COL23A1: variants seen among roughly 807,000 people sequenced by gnomAD.
The protein encoded by COL23A1 is collagen type XXIII alpha 1 chain.
In COL23A1, 97 loss-of-function variants were observed where a neutral mutation model predicts 99.3. The observed-to-expected ratio is 0.98, with a 90% CI of 0.83 to 1.16. The LOEUF (loss-of-function observed/expected upper bound fraction) is 1.16, where lower values mean the gene tolerates loss of function less well. Ranked by LOEUF, COL23A1 falls within the 50% of genes most tolerant of loss-of-function variation. The pLI, the probability that COL23A1 is intolerant of heterozygous loss-of-function variation, is 0.00. For missense variants in COL23A1, 762 were observed against 757.4 expected (o/e 1.01, Z -0.07); for synonymous variants, 320 against 308.2 (o/e 1.04, Z -0.40).
chr5:178,375,709 T>C (rs1464456319), intron 2 of COL23A1, among the ~76,000 whole-genome samples: 7 of 152,312 alleles, frequency 4.6e-5, no homozygotes, highest in Non-Finnish European at 8.8e-5. Flanking sequence ...CTTTTCTTTC[T>C]TTCTTTTTTC....
At chr5:178,293,551 A>G (rs1757576460) in intron 3 of COL23A1, among the ~76,000 whole-genome samples, 1 of 152,120 alleles carries the variant, frequency 6.6e-6, no homozygotes, top group Non-Finnish European at 1.5e-5. Context: ...AGAAAGGGCC[A>G]CGGGGGCTGG....
chr5:178,352,771 A>G (rs999191999), intron 2 of COL23A1, among the ~76,000 whole-genome samples: 5 of 152,208 alleles, frequency 3.3e-5, no homozygotes, highest in Non-Finnish European at 7.3e-5. Flanking sequence ...TGAGATAAAC[A>G]TAACTGCCCC....
At chr5:178,565,668 G>A (rs897665581) in intron 1 of COL23A1, among the ~76,000 whole-genome samples, 4 of 152,004 alleles carry the variant, frequency 2.6e-5, no homozygotes, top group Non-Finnish European at 5.9e-5. Flanking sequence ...ACCCCCACGC[G>A]GCTGGGATTC....
intron 2 of COL23A1, among the ~76,000 whole-genome samples, chr5:178,538,411 G>C (rs1389747687): frequency 6.6e-6 from 1 of 152,122 alleles, no homozygotes; most frequent in Admixed American, 6.5e-5. Flanking sequence ...AAACATAAAA[G>C]TACTTGCCCA....
chr5:178,387,121 G>A lies in COL23A1; in HGVS notation c.362-80202C>T, dbSNP rs565993215. Among the ~76,000 whole-genome samples the A allele has an allele frequency of 2.1e-4, 32 of 151,948 alleles. No individual in the cohort carries two copies. Among genetic ancestry groups the A allele is most frequent in the African/African-American group, 4.8e-4 (20 of 41,440 alleles). ...TCCCACGGCAGCTTCTCATCACCCCGTCTGGAACCAACAACACCCTCTTTT... is the reference window on the plus strand; with the variant it reads ...TCCCACGGCAGCTTCTCATCACCCCATCTGGAACCAACAACACCCTCTTTT... On this transcript the variant is annotated intron_variant, in intron 2 of 28. Coordinates refer to ENST00000390654, the MANE Select transcript of COL23A1 (RefSeq NM_173465.4). This position sits in a 1 kb window ranked among gnomAD's most constrained non-coding sequence, Gnocchi z 4.7.
chr5:178,267,718 T>C (rs1353704303), intron 7 of COL23A1, among the ~76,000 whole-genome samples: 1 of 152,126 alleles, frequency 6.6e-6, no homozygotes, highest in Non-Finnish European at 1.5e-5. Flanking sequence ...TAAGCAGCAA[T>C]AGACACCAAG....
intron 3 of COL23A1, among the ~76,000 whole-genome samples, chr5:178,290,786 CA>C (rs1264478955): frequency 3.3e-5 from 5 of 152,148 alleles, no homozygotes; most frequent in Admixed American, 1.3e-4. Context: ...GGAGGAATGG[CA>C]AATGGGTGTG....
intron 2 of COL23A1, among the ~76,000 whole-genome samples, chr5:178,421,577 G>C (rs529039056): frequency 6.6e-6 from 1 of 152,286 alleles, no homozygotes; most frequent in East Asian, 1.9e-4. Flanking sequence ...TCCATTAACA[G>C]AGCAGACAGG....
intron 2 of COL23A1, among the ~76,000 whole-genome samples, chr5:178,454,222 A>G (rs2127875655): frequency 6.6e-6 from 1 of 152,168 alleles, no homozygotes; most frequent in East Asian, 1.9e-4. Flanking sequence ...CAGGTTAACA[A>G]AGCCAGGCGA....
rs1271697934 is a variant in COL23A1 at position 178,307,180 on chromosome 5, T to C, written c.362-261A>G. On this transcript the variant is annotated intron_variant, in intron 2 of 28. Transcript: ENST00000390654. The surrounding 1 kb of genome is among the most constrained non-coding windows in gnomAD (Gnocchi z 4.2). ...ACGCACCCATTCTGTCATTCAATCATCGGCTCACTCAGTCATTCCTAAGCC... is the reference window on the plus strand; with the variant it reads ...ACGCACCCATTCTGTCATTCAATCACCGGCTCACTCAGTCATTCCTAAGCC... Among the ~76,000 whole-genome samples the C allele has an allele frequency of 6.6e-6, 1 of 152,180 alleles. No individual in the cohort carries two copies. The highest frequency in any genetic ancestry group is 1.5e-5 in the Non-Finnish European group (1 of 68,038).
At chr5:178,258,913 C>CTTTT (rs35156759) in intron 12 of COL23A1, among the ~76,000 whole-genome samples, 1 of 117,586 alleles carries the variant, frequency 8.5e-6, no homozygotes, top group African/African-American at 3.3e-5. Context: ...CCAGGGTGGT[C>CTTTT]TTTTTTTTTT....
intron 2 of COL23A1, among the ~76,000 whole-genome samples, chr5:178,546,772 T>TCAGC (rs1761604578): frequency 6.6e-6 from 1 of 152,132 alleles, no homozygotes; most frequent in Non-Finnish European, 1.5e-5. Flanking sequence ...CCCGCTTCCA[T>TCAGC]CAGCCCCACA....
chr5:178,531,544 C>T (rs1207395295), intron 2 of COL23A1, among the ~76,000 whole-genome samples: 3 of 152,262 alleles, frequency 2.0e-5, no homozygotes, highest in African/African-American at 4.8e-5. Context: ...CCGGACTTTC[C>T]GCCTCTGGAA....
Position 178,565,124 on chromosome 5 carries a change from T to C in COL23A1, c.295-4376A>G, listed in dbSNP as rs373988243. Among the ~76,000 whole-genome samples the C allele has an allele frequency of 1.1e-3, 168 of 152,292 alleles. 1 individual carries two copies. The highest frequency in any genetic ancestry group is 6.8e-3 in the Middle Eastern group (2 of 294). ...GCTACAATAAATAAAATGTCTACATTGACGTAGAAACACAGGCATGGGGGA... is the reference window on the plus strand; with the variant it reads ...GCTACAATAAATAAAATGTCTACATCGACGTAGAAACACAGGCATGGGGGA... On this transcript the variant is annotated intron_variant, in intron 1 of 28. Coordinates refer to ENST00000390654, the MANE Select transcript of COL23A1 (RefSeq NM_173465.4).
intron 2 of COL23A1, among the ~76,000 whole-genome samples, chr5:178,347,425 T>TG (rs1429882700): frequency 7.6e-6 from 1 of 132,388 alleles, no homozygotes; most frequent in African/African-American, 2.9e-5. Context: ...GGGACGGGCA[T>TG]GGGGGGAGGG....
At chr5:178,270,496 G>T (rs1756228027) in intron 5 of COL23A1, 133 bp from the exon 6 acceptor site, 14 of 1,053,276 alleles carry the variant, frequency 1.3e-5, no homozygotes, top group Non-Finnish European at 1.9e-5. Flanking sequence ...TTCAGTCCAT[G>T]TGGCCTGGGG....
intron 2 of COL23A1, among the ~76,000 whole-genome samples, chr5:178,500,044 C>T (rs903963862): frequency 2.6e-5 from 4 of 151,938 alleles, no homozygotes; most frequent in Non-Finnish European, 4.4e-5. Context: ...AAGTGGTCAC[C>T]TGGGAATGGA....
chr5:178,254,734 G>A (rs1765213766), intron 16 of COL23A1, among the ~76,000 whole-genome samples: 1 of 152,136 alleles, frequency 6.6e-6, no homozygotes. Flanking sequence ...TAGGGAGCTC[G>A]GGGCCACGTG....
intron 2 of COL23A1, among the ~76,000 whole-genome samples, chr5:178,364,441 C>G (rs1483775889): frequency 1.3e-5 from 2 of 152,040 alleles, no homozygotes; most frequent in African/African-American, 4.8e-5. Flanking sequence ...GAGGGTGGAG[C>G]AGGCCCACAG....
Sources: gnomAD v4.1 joint callset for allele counts (sites outside exome capture counted in the v4.1 genomes callset) on GRCh38, gnomAD v4.1.1 for gene constraint, Gnocchi (gnomAD v3.1) non-coding constraint, MANE v1.5 for transcripts, NCBI Gene and HGNC (gene_info 2026-07-23, HGNC 2026-07-21) for gene names.